IL6R: variants seen among roughly 807,000 people sequenced by gnomAD.
IL6R encodes interleukin 6 receptor.
A neutral mutation model predicts 48.3 loss-of-function variants in IL6R; 38 were observed. That is an observed-to-expected ratio of 0.79 (90% confidence interval 0.61 to 1.03). IL6R has a LOEUF of 1.03. IL6R is among the 50% of genes least tolerant of loss of function. The pLI is 0.00. For missense variants in IL6R, 534 were observed against 618.3 expected (o/e 0.86, Z 1.45); for synonymous variants, 264 against 256.2 (o/e 1.03, Z -0.29).
intron 6 of IL6R, among the ~76,000 whole-genome samples, chr1:154,444,705 C>T (rs894703566): frequency 6.6e-6 from 1 of 151,760 alleles, no homozygotes; most frequent in East Asian, 1.9e-4. Context: ...AGAGACCAGC[C>T]GGGCACCATA....
chr1:154,434,597 A>G lies in IL6R; in HGVS notation c.537A>G (p.Ala179=). ...QESQKFSCQL[A]VPEGDSSFYI... is the part of the protein sequence containing the mutation. ...CCCAGAAGTTCTCCTGCCAGTTAGC[A>G]GTCCCGGAGGGAGACAGCTCTTTCT... Residue 179 remains alanine, a synonymous_variant, in exon 4 of 10, where the codon GCA becomes GCG. Transcript: ENST00000368485. 1 of 1,614,066 alleles carries G rather than the reference A, an allele frequency of 6.2e-7. No individual in the cohort carries two copies. The highest frequency in any genetic ancestry group is 1.1e-5 in the South Asian group (1 of 91,078).
At chr1:154,408,582 C>T (rs1330531664) in intron 1 of IL6R, among the ~76,000 whole-genome samples, 1 of 152,142 alleles carries the variant, frequency 6.6e-6, no homozygotes, top group East Asian at 1.9e-4. Flanking sequence ...AGGCAGCAGG[C>T]ACACTGATCC....
At chr1:154,424,829 C>T (rs976826609) in intron 1 of IL6R, among the ~76,000 whole-genome samples, 3 of 152,186 alleles carry the variant, frequency 2.0e-5, no homozygotes, top group South Asian at 4.1e-4. Flanking sequence ...CCTCAGACAC[C>T]GAGTTAAAGA....
chr1:154,435,100 C>CTACG lies in IL6R; in HGVS notation c.752_755dup (p.Phe253ThrfsTer3). On this transcript the variant is annotated frameshift_variant, in exon 5 of 10. Coordinates refer to ENST00000368485, the MANE Select transcript of IL6R (RefSeq NM_000565.4). LOFTEE classifies it high-confidence loss of function. ...CTCCTGGAACTCATCTTTCTACAGA[C>CTACG]TACGGTTTGAGCTCAGATATCGGGC... The CTACG allele has an allele frequency of 6.2e-7, 1 of 1,614,176 alleles. No individual in the cohort carries two copies. The highest frequency in any genetic ancestry group is 2.2e-5 in the East Asian group (1 of 44,888).
Position 154,465,635 on chromosome 1 carries a change from A to G in IL6R, c.*255A>G, listed in dbSNP as rs1691520729. The G allele has an allele frequency of 3.8e-6, 2 of 520,580 alleles. No homozygotes were observed. Among genetic ancestry groups the G allele is most frequent in the Admixed American group, 6.4e-5 (2 of 31,246 alleles). 32.2% of individuals were successfully genotyped at this position (520,580 alleles called of 1,614,324 possible). ...AGAGTGAACTTGGGCCACTGTGAAG[A>G]GAACCATATCAAGACTCTTTGGACA... On this transcript the variant is annotated 3_prime_UTR_variant, in exon 10 of 10. Coordinates refer to ENST00000368485, the MANE Select transcript of IL6R (RefSeq NM_000565.4).
At chr1:154,424,765 G>A (rs144228371) in intron 1 of IL6R, among the ~76,000 whole-genome samples, 70 of 152,282 alleles carry the variant, frequency 4.6e-4, no homozygotes, top group South Asian at 1.0e-3. Context: ...GGAGTTCAAC[G>A]CACTGGACCG....
At chr1:154,426,919 A>ATTT (rs397825571) in intron 1 of IL6R, among the ~76,000 whole-genome samples, 3 of 143,096 alleles carry the variant, frequency 2.1e-5, no homozygotes, top group Non-Finnish European at 4.6e-5. Flanking sequence ...GGGACTCAGA[A>ATTT]TTTTTTTTTT....
chr1:154,458,916 A>G (rs1250380406), intron 9 of IL6R, among the ~76,000 whole-genome samples: 2 of 151,202 alleles, frequency 1.3e-5, no homozygotes, highest in East Asian at 3.9e-4. Flanking sequence ...AAAAAAAAAG[A>G]TGAAGAAGAA....
chr1:154,412,902 C>T (rs1321766798), intron 1 of IL6R, among the ~76,000 whole-genome samples: 1 of 151,764 alleles, frequency 6.6e-6, no homozygotes, highest in African/African-American at 2.4e-5. Flanking sequence ...GACCTGTAGA[C>T]CCCTGCTCCT....
At chr1:154,443,280 A>G (rs1466265492) in intron 6 of IL6R, among the ~76,000 whole-genome samples, 1 of 152,176 alleles carries the variant, frequency 6.6e-6, no homozygotes, top group Admixed American at 6.5e-5. Flanking sequence ...GCTACACGTT[A>G]TCTTCTCAAA....
chr1:154,425,610 CA>C (rs113911078), intron 1 of IL6R, among the ~76,000 whole-genome samples: 328 of 138,160 alleles, frequency 2.4e-3, no homozygotes, highest in Non-Finnish European at 3.7e-3. Context: ...CCTCATCTCT[CA>C]AAAAAAAAAA....
chr1:154,466,723 C>A lies in IL6R; in HGVS notation c.*1343C>A. The A allele has an allele frequency of 6.1e-6, 1 of 163,900 alleles. No individual in the cohort carries two copies. The highest frequency in any genetic ancestry group is 1.6e-4 in the East Asian group (1 of 6,196). 10.2% of individuals were successfully genotyped at this position (163,900 alleles called of 1,614,324 possible). A position where few individuals can be genotyped will look rare whatever the true frequency, so the allele number is the denominator to read the frequency against. Reference sequence around the variant, plus strand: ...ATTAGCCAAGTGTGGTAGAGTGTGCCTGAAGTCCCAGATACTTGGGGGGCT... The same window carrying A: ...ATTAGCCAAGTGTGGTAGAGTGTGCATGAAGTCCCAGATACTTGGGGGGCT... On this transcript the variant is annotated 3_prime_UTR_variant, in exon 10 of 10. Coordinates refer to ENST00000368485, the MANE Select transcript of IL6R (RefSeq NM_000565.4).
intron 6 of IL6R, among the ~76,000 whole-genome samples, chr1:154,439,947 G>C (rs2149250756): frequency 6.6e-6 from 1 of 151,992 alleles, no homozygotes; most frequent in Middle Eastern, 3.4e-3. Flanking sequence ...CACCCACCCA[G>C]GCTGGAGTGC....
intron 6 of IL6R, among the ~76,000 whole-genome samples, chr1:154,437,922 G>A (rs1689727639): frequency 6.8e-6 from 1 of 146,960 alleles, no homozygotes; most frequent in Non-Finnish European, 1.5e-5. Flanking sequence ...CACTGTGTTG[G>A]CCAGGCTGGT....
At chr1:154,459,982 T>C (rs1691152839) in intron 9 of IL6R, among the ~76,000 whole-genome samples, 1 of 152,190 alleles carries the variant, frequency 6.6e-6, no homozygotes, top group Admixed American at 6.6e-5. Context: ...AGAGGGACTT[T>C]CATGGTGTTC....
intron 6 of IL6R, among the ~76,000 whole-genome samples, chr1:154,438,210 C>CTT (rs146568478): frequency 4.7e-5 from 7 of 148,260 alleles, no homozygotes; most frequent in South Asian, 2.2e-4. Flanking sequence ...GCTTATATGG[C>CTT]TTTTTTTTTT....
chr1:154,451,266 C>T (rs1255449369), intron 8 of IL6R, among the ~76,000 whole-genome samples: 1 of 152,088 alleles, frequency 6.6e-6, no homozygotes, highest in African/African-American at 2.4e-5. Flanking sequence ...GCCTGTAATC[C>T]CAGCACTTTG....
chr1:154,406,018 T>C (rs1366423930), intron 1 of IL6R, among the ~76,000 whole-genome samples: 2 of 152,134 alleles, frequency 1.3e-5, no homozygotes, highest in South Asian at 2.1e-4. Flanking sequence ...CGAGCTTCCT[T>C]CCCAGTGCCC....
chr1:154,440,852 C>T (rs1370482236), intron 6 of IL6R, among the ~76,000 whole-genome samples: 3 of 152,066 alleles, frequency 2.0e-5, no homozygotes, highest in African/African-American at 2.4e-5. Flanking sequence ...GGGGCTTTGC[C>T]ATGTTGGCGA....
Sources: allele counts gnomAD v4.1 joint callset (sites outside exome capture counted in the v4.1 genomes callset), GRCh38; gene constraint gnomAD v4.1.1; transcripts MANE v1.5; gene names NCBI Gene and HGNC (gene_info 2026-07-23, HGNC 2026-07-21).